The following HMGA2 variants were observed in gnomAD, a reference collection of about 807,000 sequenced individuals.
The protein encoded by HMGA2 is high mobility group protein HMGI-C.
A neutral mutation model predicts 19.1 loss-of-function variants in HMGA2; 8 were observed. The observed-to-expected ratio is 0.42, with a 90% CI of 0.25 to 0.76. The LOEUF (loss-of-function observed/expected upper bound fraction) is 0.76. Among genes scored for constraint, HMGA2 ranks in the 30% least tolerant of loss-of-function variants. The probability of loss-of-function intolerance (pLI) is 0.28; values close to 1 mark genes in which losing one functional copy is unlikely to be tolerated. For missense variants in HMGA2, 109 were observed against 136.3 expected, an observed-to-expected ratio of 0.80 and a Z score of 1.00; for synonymous variants, 60 against 48.8, an observed-to-expected ratio of 1.23 and a Z score of -0.96.
rs1011820282 is a variant in HMGA2 at position 65,844,066 on chromosome 12, A to G, written c.249+5497A>G. Reference sequence around the variant, plus strand: ...ACTCCATCTCAAAAAAAAAAAAAAAAAAAGAAATATATAACTGCAATGTTT... The same window carrying G: ...ACTCCATCTCAAAAAAAAAAAAAAAGAAAGAAATATATAACTGCAATGTTT... On this transcript the variant is annotated intron_variant, in intron 3 of 4. Coordinates refer to ENST00000403681, the MANE Select transcript of HMGA2 (RefSeq NM_003483.6). Among the ~76,000 whole-genome samples, 27 of 152,026 alleles carry G rather than the reference A, an allele frequency of 1.8e-4. No individual in the cohort carries two copies. The East Asian group carries it at 4.1e-3, about 23-fold the overall frequency.
At chr12:65,864,449 T>C (rs961992538) in intron 3 of HMGA2, among the ~76,000 whole-genome samples, 1 of 152,190 alleles carries the variant, frequency 6.6e-6, no homozygotes. Context: ...AATAATAGTG[T>C]TGTCTTCCAT....
At chr12:65,891,455 G>A (rs764212902) in intron 3 of HMGA2, among the ~76,000 whole-genome samples, 3 of 152,198 alleles carry the variant, frequency 2.0e-5, no homozygotes, top group Non-Finnish European at 4.4e-5. Context: ...TGACACTGGA[G>A]CAGCATTTAG....
chr12:65,875,894 G>T (rs1034623501), intron 3 of HMGA2, among the ~76,000 whole-genome samples: 1 of 151,860 alleles, frequency 6.6e-6, no homozygotes, highest in South Asian at 2.1e-4. Context: ...AATGTGCAAG[G>T]TTACTTAGTA....
At chr12:65,867,418 G>A (rs1464598660) in intron 3 of HMGA2, 1 of 441,674 alleles carries the variant, frequency 2.3e-6, no homozygotes, top group Non-Finnish European at 4.6e-6. Flanking sequence ...CACACTTGGA[G>A]TGTCATCTGA....
chr12:65,837,716 T>C (rs1202740201), intron 2 of HMGA2, among the ~76,000 whole-genome samples: 2 of 152,206 alleles, frequency 1.3e-5, no homozygotes, highest in African/African-American at 2.4e-5. Flanking sequence ...TGTTAACAAC[T>C]GTGATATCAG....
intron 3 of HMGA2, chr12:65,881,744 G>A (rs1873405865): frequency 1.4e-6 from 1 of 703,132 alleles, no homozygotes; most frequent in African/African-American, 1.7e-5. Context: ...CCCTCCCAGT[G>A]GTTGCTAATG....
intron 3 of HMGA2, among the ~76,000 whole-genome samples, chr12:65,840,091 C>T (rs1265843157): frequency 4.6e-5 from 7 of 152,010 alleles, no homozygotes; most frequent in Admixed American, 1.3e-4. Context: ...CATGTTTGTT[C>T]GTTAATCTTT....
At chr12:65,956,902 T>C (rs552486592) in intron 4 of HMGA2, 57 of 152,338 alleles carry the variant, frequency 3.7e-4, no homozygotes, top group African/African-American at 1.3e-3. Flanking sequence ...CTGACCCAAA[T>C]TAATGTGGAA....
intron 3 of HMGA2, among the ~76,000 whole-genome samples, chr12:65,895,040 C>A (rs1874068807): frequency 6.6e-6 from 1 of 152,040 alleles, no homozygotes; most frequent in Non-Finnish European, 1.5e-5. Flanking sequence ...GTAAAATGAA[C>A]AACATTTGCA....
At chr12:65,898,562 T>C (rs1451813750) in intron 3 of HMGA2, among the ~76,000 whole-genome samples, 2 of 152,178 alleles carry the variant, frequency 1.3e-5, no homozygotes, top group Non-Finnish European at 2.9e-5. Context: ...TATCTGATAT[T>C]CACATGTTTC....
At chr12:65,891,514 G>A (rs1873911023) in intron 3 of HMGA2, among the ~76,000 whole-genome samples, 2 of 152,358 alleles carry the variant, frequency 1.3e-5, no homozygotes, top group South Asian at 4.1e-4. Flanking sequence ...GGCTGTGGAA[G>A]ATTGGTCCTA....
At chr12:65,887,622 C>A (rs969580172) in intron 3 of HMGA2, among the ~76,000 whole-genome samples, 1 of 151,988 alleles carries the variant, frequency 6.6e-6, no homozygotes, top group African/African-American at 2.4e-5. Flanking sequence ...ACTCAGGAGG[C>A]TGAGGCAGGA....
chr12:65,834,931 G>A (rs1870648505), intron 2 of HMGA2, among the ~76,000 whole-genome samples: 1 of 152,114 alleles, frequency 6.6e-6, no homozygotes, highest in South Asian at 2.1e-4. Flanking sequence ...AAATATTAAT[G>A]AGGGCAAACA....
chr12:65,965,661 T>C lies in HMGA2; in HGVS notation c.*2369T>C. 1 of 221,658 alleles carries C rather than the reference T, an allele frequency of 4.5e-6. No individual in the cohort carries two copies. Among genetic ancestry groups the C allele is most frequent in the Non-Finnish European group, 9.1e-6 (1 of 110,408 alleles). The allele number at this position is 221,658 out of a possible 1,614,324, so 13.7% of individuals were successfully genotyped here. Reference sequence around the variant, plus strand: ...TCATAAAAATAAAAGTCGCATTCCATATCTTTGGATGGGCCTTTTAGAAAC... The same window carrying C: ...TCATAAAAATAAAAGTCGCATTCCACATCTTTGGATGGGCCTTTTAGAAAC... On this transcript the variant is annotated 3_prime_UTR_variant, in exon 5 of 5. Coordinates refer to ENST00000403681, the MANE Select transcript of HMGA2 (RefSeq NM_003483.6).
At chr12:65,930,278 C>T (rs1875662329) in intron 3 of HMGA2, among the ~76,000 whole-genome samples, 2 of 152,186 alleles carry the variant, frequency 1.3e-5, no homozygotes, top group Admixed American at 6.5e-5. Context: ...GCTCCATGAG[C>T]TCTCCCTCAC....
intron 3 of HMGA2, among the ~76,000 whole-genome samples, chr12:65,852,240 C>T (rs1459427795): frequency 6.6e-6 from 1 of 152,184 alleles, no homozygotes; most frequent in Non-Finnish European, 1.5e-5. Flanking sequence ...CTCACGCCTA[C>T]AATCCCAGCA....
chr12:65,966,280 G>T lies in HMGA2; in HGVS notation c.*2988G>T. The T allele has an allele frequency of 5.4e-6, 1 of 186,354 alleles. No individual in the cohort carries two copies. Among genetic ancestry groups the T allele is most frequent in the Non-Finnish European group, 1.1e-5 (1 of 87,876 alleles). 11.5% of individuals were successfully genotyped at this position (186,354 alleles called of 1,614,324 possible). The stretch of plus-strand genomic sequence containing the variant: ...TTCCATTAAATGAGTAATAAAGTTT[G>T]GTCAAAACAGATCAAGGAGGGAGAC... On this transcript the variant is annotated 3_prime_UTR_variant, in exon 5 of 5. Transcript: ENST00000403681.
chr12:65,874,016 A>C (rs935690794), intron 3 of HMGA2: 1 of 152,218 alleles, frequency 6.6e-6, no homozygotes, highest in Non-Finnish European at 1.5e-5. Context: ...CTACTATTGC[A>C]CTTTGCACAC....
intron 3 of HMGA2, among the ~76,000 whole-genome samples, chr12:65,935,504 CTT>C: frequency 6.8e-6 from 1 of 146,488 alleles, no homozygotes; most frequent in Non-Finnish European, 1.5e-5. Context: ...TTGGGTTTTT[CTT>C]TTTTTTTTTC....
Sources: allele counts gnomAD v4.1 joint callset (sites outside exome capture counted in the v4.1 genomes callset), GRCh38; gene constraint gnomAD v4.1.1; transcripts MANE v1.5; gene names NCBI Gene and HGNC (gene_info 2026-07-23, HGNC 2026-07-21).